Variants in VPS53 observed in about 807,000 individuals in gnomAD.
The protein encoded by VPS53 is VPS53 subunit of GARP complex.
VPS53 carries 70 observed loss-of-function variants against 107.0 expected under a neutral mutation model. The ratio of observed to expected loss-of-function variants is 0.65; its 90% CI spans 0.54 to 0.80. VPS53 has a LOEUF of 0.80. Among genes scored for constraint, VPS53 ranks in the 30% least tolerant of loss-of-function variants. VPS53 has a pLI of 0.00. For synonymous variants in VPS53, 409 were observed against 393.3 expected (o/e 1.04, Z -0.47); for missense variants, 917 against 1,049.4 (o/e 0.87, Z 1.74).
chr17:545,533 C>A (rs1382954340), intron 17 of VPS53, among the ~76,000 whole-genome samples: 1 of 152,230 alleles, frequency 6.6e-6, no homozygotes, highest in Non-Finnish European at 1.5e-5. Context: ...TCTACATCTA[C>A]CAGCTCCACC....
At chr17:713,806 A>C (rs1973733563) in intron 1 of VPS53, among the ~76,000 whole-genome samples, 1 of 151,624 alleles carries the variant, frequency 6.6e-6, no homozygotes, top group Admixed American at 6.6e-5. Flanking sequence ...TTGGGAGGCC[A>C]AGGCGGGCGG....
chr17:638,814 G>T (rs888303427), intron 7 of VPS53, among the ~76,000 whole-genome samples: 1 of 152,140 alleles, frequency 6.6e-6, no homozygotes, highest in Non-Finnish European at 1.5e-5. Context: ...TCCCTTTGTG[G>T]GTAACCTGAC....
At chr17:661,751 G>C (rs1971446847) in intron 5 of VPS53, 58 bp downstream of exon 5, 1 of 1,493,760 alleles carries the variant, frequency 6.7e-7, no homozygotes, top group Non-Finnish European at 9.1e-7. Flanking sequence ...AGAATGCCTA[G>C]ATGAGAAGCT....
chr17:645,065 G>A (rs1970631603), intron 7 of VPS53, among the ~76,000 whole-genome samples: 1 of 152,162 alleles, frequency 6.6e-6, no homozygotes, highest in Non-Finnish European at 1.5e-5. Context: ...TATTTTTCAG[G>A]AATGTGATTA....
At chr17:618,313 A>G (rs1212048201) in intron 11 of VPS53, among the ~76,000 whole-genome samples, 3 of 90,014 alleles carry the variant, frequency 3.3e-5, no homozygotes, top group Non-Finnish European at 5.2e-5. Context: ...ACCACGCCCC[A>G]CTAATATTTC....
At chr17:613,354 C>T (rs1467116962) in intron 11 of VPS53, among the ~76,000 whole-genome samples, 1 of 151,020 alleles carries the variant, frequency 6.6e-6, no homozygotes, top group Non-Finnish European at 1.5e-5. Flanking sequence ...TGAGTTCACA[C>T]AGTGAAAACC....
At chr17:599,614 C>A (rs1240268485) in intron 12 of VPS53, among the ~76,000 whole-genome samples, 1 of 149,896 alleles carries the variant, frequency 6.7e-6, no homozygotes, top group African/African-American at 2.4e-5. Context: ...ACAAACACTG[C>A]GGAAGGCCTC....
chr17:637,047 T>C (rs1337936430), intron 7 of VPS53, among the ~76,000 whole-genome samples: 2 of 152,218 alleles, frequency 1.3e-5, no homozygotes, highest in Non-Finnish European at 2.9e-5. Context: ...CATCTGGTCC[T>C]GGACTTTTTT....
In VPS53 at chr17:573,959, G is replaced by C. The variant is rs138741828; in HGVS notation, c.1314-11214C>G. 3.9e-5 allele frequency among the ~76,000 whole-genome samples: 6 copies of C among 152,316 alleles called. No individual in the cohort carries two copies. The East Asian group carries it at 1.2e-3, about 29-fold the overall frequency. On this transcript the variant is annotated intron_variant, in intron 13 of 21. Coordinates refer to ENST00000437048, the MANE Select transcript of VPS53 (RefSeq NM_001128159.3). ...GAAGAAGCAGTTCCTAGAACTCCTT[G>C]AAATTACACTCAAAATAGTGTGTGC...
At chr17:598,479 C>A (rs912081292) in intron 12 of VPS53, among the ~76,000 whole-genome samples, 2 of 150,952 alleles carry the variant, frequency 1.3e-5, no homozygotes, top group Non-Finnish European at 3.0e-5. Context: ...AAGTGAGGAG[C>A]GTCTCCGCCC....
At chr17:525,659 A>ACC (rs1445127026) in intron 19 of VPS53, among the ~76,000 whole-genome samples, 1 of 151,602 alleles carries the variant, frequency 6.6e-6, no homozygotes, top group Non-Finnish European at 1.5e-5. Flanking sequence ...GCACCATTGC[A>ACC]CCCCAGCCTG....
intron 1 of VPS53, among the ~76,000 whole-genome samples, chr17:713,005 G>A (rs1022821084): frequency 3.3e-5 from 5 of 152,150 alleles, no homozygotes; most frequent in African/African-American, 1.2e-4. Context: ...TCTCAGGCTA[G>A]GACAAAGTTG....
chr17:594,054 C>A (rs991713871), intron 12 of VPS53, among the ~76,000 whole-genome samples: 9 of 151,756 alleles, frequency 5.9e-5, no homozygotes, highest in Non-Finnish European at 1.2e-4. Flanking sequence ...TAAACTATCG[C>A]AAGAACAAAA....
chr17:554,227 A>G (rs1912129923), intron 15 of VPS53, among the ~76,000 whole-genome samples: 1 of 151,978 alleles, frequency 6.6e-6, no homozygotes, highest in South Asian at 2.1e-4. Flanking sequence ...GTGGTAAACA[A>G]AAGAAATGTG....
chr17:573,779 CCA>C (rs1914379478), intron 13 of VPS53, among the ~76,000 whole-genome samples: 2 of 152,134 alleles, frequency 1.3e-5, no homozygotes, highest in Non-Finnish European at 2.9e-5. Flanking sequence ...GGGATCAGGC[CCA>C]CGCTCTTTCC....
intron 17 of VPS53, among the ~76,000 whole-genome samples, chr17:550,592 A>G (rs1444538660): frequency 2.0e-5 from 3 of 152,304 alleles, no homozygotes; most frequent in East Asian, 3.9e-4. Context: ...CCTGCTCTAC[A>G]AAGTTCTAGA....
chr17:625,277 C>T (rs1029917074), intron 10 of VPS53, among the ~76,000 whole-genome samples: 2 of 152,006 alleles, frequency 1.3e-5, no homozygotes, highest in East Asian at 1.9e-4. Context: ...GCATAAACCA[C>T]CAAGCCTGGC....
chr17:571,814 G>A (rs1470389511), intron 13 of VPS53, among the ~76,000 whole-genome samples: 2 of 152,240 alleles, frequency 1.3e-5, no homozygotes, highest in Non-Finnish European at 2.9e-5. Flanking sequence ...CGAGGTGCCG[G>A]GATTGCAGAC....
chr17:691,022 G>A (rs1024961275), intron 4 of VPS53, among the ~76,000 whole-genome samples: 4 of 152,180 alleles, frequency 2.6e-5, no homozygotes, highest in Non-Finnish European at 5.9e-5. Flanking sequence ...CAGTGTATAT[G>A]TTGACACAGC....
Sources: allele counts gnomAD v4.1 joint callset (sites outside exome capture counted in the v4.1 genomes callset), GRCh38; gene constraint gnomAD v4.1.1; transcripts MANE v1.5; gene names NCBI Gene and HGNC (gene_info 2026-07-23, HGNC 2026-07-21).